The following MKLN1 variants were observed in gnomAD, a reference collection of about 807,000 sequenced individuals.
MKLN1 encodes muskelin.
MKLN1 carries 18 observed loss-of-function variants against 99.0 expected under a neutral mutation model. The ratio of observed to expected loss-of-function variants is 0.18; its 90% confidence interval spans 0.13 to 0.27. The LOEUF is 0.27. MKLN1 is among the 10% of genes least tolerant of loss of function. MKLN1 has a pLI of 1.00. For missense variants in MKLN1, 621 were observed against 875.9 expected (o/e 0.71, Z 3.67); for synonymous variants, 288 against 293.2 (o/e 0.98, Z 0.18).
intron 3 of MKLN1, among the ~76,000 whole-genome samples, chr7:131,295,613 T>C (rs905509992): frequency 6.6e-6 from 1 of 151,954 alleles, no homozygotes; most frequent in Admixed American, 6.6e-5. Flanking sequence ...AAGCCAGGTG[T>C]GGTAGTTCAC....
At chr7:131,113,642 TG>T (rs1253965170) in intron 1 of MKLN1, among the ~76,000 whole-genome samples, 5 of 8,536 alleles carry the variant, frequency 5.9e-4, no homozygotes, top group Non-Finnish European at 4.3e-4. Context: ...GGCAACATGG[TG>T]AAACCCCTGT....
intron 1 of MKLN1, among the ~76,000 whole-genome samples, chr7:131,350,780 A>T (rs1366808180): frequency 6.6e-6 from 1 of 152,086 alleles, no homozygotes; most frequent in African/African-American, 2.4e-5. Context: ...AAAACAAGTC[A>T]CTAGGCCAAC....
chr7:131,154,823 A>G (rs986317470), intron 2 of MKLN1, among the ~76,000 whole-genome samples: 1 of 152,042 alleles, frequency 6.6e-6, no homozygotes, highest in African/African-American at 2.4e-5. Context: ...CATTTCCTTC[A>G]TACACTTTTT....
chr7:131,236,021 T>G (rs1797316381), intron 3 of MKLN1, among the ~76,000 whole-genome samples: 1 of 152,162 alleles, frequency 6.6e-6, no homozygotes, highest in African/African-American at 2.4e-5. Context: ...AAATAATAAT[T>G]TGTAGAATCT....
chr7:131,237,954 C>G (rs1385303041), intron 3 of MKLN1, among the ~76,000 whole-genome samples: 1 of 152,100 alleles, frequency 6.6e-6, no homozygotes, highest in Non-Finnish European at 1.5e-5. Flanking sequence ...CGACACCAGC[C>G]TGGTCAACAT....
At chr7:131,374,125 G>A (rs957756709) in intron 1 of MKLN1, among the ~76,000 whole-genome samples, 11 of 151,996 alleles carry the variant, frequency 7.2e-5, no homozygotes, top group African/African-American at 2.7e-4. Flanking sequence ...CCCTTCTTCT[G>A]CCTTTTTTAA....
chr7:131,115,772 C>CT (rs1341387185), intron 1 of MKLN1, among the ~76,000 whole-genome samples: 1 of 152,136 alleles, frequency 6.6e-6, no homozygotes, highest in Non-Finnish European at 1.5e-5. Context: ...TATATACTTC[C>CT]TTTTCCTGGA....
chr7:131,178,186 G>A (rs1161006319), intron 2 of MKLN1, among the ~76,000 whole-genome samples: 9 of 151,756 alleles, frequency 5.9e-5, no homozygotes, highest in African/African-American at 1.9e-4. Context: ...GCGTTATCTC[G>A]GCTCATTGCA....
chr7:131,191,602 C>T lies in MKLN1; in HGVS notation c.-296-11255C>T, dbSNP rs147645209. ...ATTTACTTAACAGTTATCTTGCCTT[C>T]GTGTTACCAATTTTACAAGGAGAGA... On this transcript the variant is annotated intron_variant, in intron 2 of 7. Transcript: ENST00000416992. Among the ~76,000 whole-genome samples the T allele has an allele frequency of 1.8e-3, 276 of 152,146 alleles. 2 individuals are homozygous for T. Among genetic ancestry groups the T allele is most frequent in the African/African-American group, 6.2e-3 (256 of 41,516 alleles).
chr7:131,311,973 A>G (rs968823990), intron 3 of MKLN1, among the ~76,000 whole-genome samples: 3 of 152,066 alleles, frequency 2.0e-5, no homozygotes, highest in African/African-American at 7.2e-5. Context: ...ATCCTTATAA[A>G]CAAATCTATC....
intron 3 of MKLN1, among the ~76,000 whole-genome samples, chr7:131,296,595 A>G (rs1478830337): frequency 6.8e-6 from 1 of 147,138 alleles, no homozygotes; most frequent in Non-Finnish European, 1.5e-5. Context: ...TTAAAACCAA[A>G]CTCAGATAAA....
At chr7:131,474,483 T>C (rs1296348732) in intron 16 of MKLN1, among the ~76,000 whole-genome samples, 1 of 152,196 alleles carries the variant, frequency 6.6e-6, no homozygotes, top group Non-Finnish European at 1.5e-5. Flanking sequence ...GTCTGTAATA[T>C]CCCTTGGTAT....
chr7:131,477,672 T>C (rs1286759979), intron 16 of MKLN1, among the ~76,000 whole-genome samples: 1 of 152,204 alleles, frequency 6.6e-6, no homozygotes, highest in Non-Finnish European at 1.5e-5. Flanking sequence ...CTATGGAATA[T>C]TTGTACAATT....
chr7:131,455,895 A>C (rs1218962947), intron 12 of MKLN1, among the ~76,000 whole-genome samples: 3 of 152,160 alleles, frequency 2.0e-5, no homozygotes, highest in African/African-American at 7.2e-5. Flanking sequence ...AAAATAAAAA[A>C]GTTAGCCTGG....
intron 8 of MKLN1, 59 bp from the exon 9 acceptor site, chr7:131,428,974 T>C: frequency 7.3e-7 from 1 of 1,373,180 alleles, no homozygotes; most frequent in Non-Finnish European, 1.0e-6. Context: ...TGGCTAGGTT[T>C]GGGTGCTTAT....
intron 12 of MKLN1, among the ~76,000 whole-genome samples, chr7:131,450,311 G>C (rs946499272): frequency 6.6e-6 from 1 of 152,168 alleles, no homozygotes; most frequent in Non-Finnish European, 1.5e-5. Flanking sequence ...CTACGCACTA[G>C]GAGTACAACT....
At chr7:131,372,543 T>C (rs774312238) in intron 1 of MKLN1, among the ~76,000 whole-genome samples, 35 of 152,018 alleles carry the variant, frequency 2.3e-4, no homozygotes, top group Non-Finnish European at 3.5e-4. Flanking sequence ...ACTTTTCCCC[T>C]TCACTTACTA....
intron 2 of MKLN1, among the ~76,000 whole-genome samples, chr7:131,161,464 G>T (rs1031039437): frequency 2.0e-5 from 3 of 152,350 alleles, no homozygotes; most frequent in Middle Eastern, 6.8e-3. Context: ...TGAGGACTAT[G>T]ATGCTACAAG....
chr7:131,388,874 T>C lies in MKLN1; in HGVS notation c.312-10T>C. 6.3e-7 allele frequency: 1 copy of C among 1,586,650 alleles called. No homozygotes were observed. On this transcript the variant is annotated splice_polypyrimidine_tract_variant and intron_variant, in intron 3 of 17. Coordinates refer to ENST00000352689, the MANE Select transcript of MKLN1 (RefSeq NM_013255.5). ...AAGTCAGATTTAATAGCCTTATTTT[T>C]TTCCCACAGTGGCTTAAAGAATGAT...
Sources: allele counts gnomAD v4.1 joint callset (sites outside exome capture counted in the v4.1 genomes callset), GRCh38; gene constraint gnomAD v4.1.1; transcripts MANE v1.5; gene names NCBI Gene and HGNC (gene_info 2026-07-23, HGNC 2026-07-21).